TXLNB: variants seen among roughly 807,000 people sequenced by gnomAD.
TXLNB encodes beta-taxilin.
Under a neutral mutation model 57.4 loss-of-function variants are expected in TXLNB, and 37 were observed. That is an observed-to-expected ratio of 0.64 (90% confidence interval 0.50 to 0.85). TXLNB has a LOEUF of 0.85. Among genes scored for constraint, TXLNB ranks in the 40% least tolerant of loss-of-function variants. The pLI is 0.00. For missense variants in TXLNB, 848 were observed against 825.6 expected, an observed-to-expected ratio of 1.03 and a Z score of -0.33; for synonymous variants, 302 against 309.6, an observed-to-expected ratio of 0.98 and a Z score of 0.26.
At chr6:139,244,382 G>C (rs1350776994) in intron 9 of TXLNB, among the ~76,000 whole-genome samples, 1 of 152,040 alleles carries the variant, frequency 6.6e-6, no homozygotes, top group East Asian at 1.9e-4. Context: ...TGTGACTTAG[G>C]GTCACAAAAC....
chr6:139,164,816 C>T, the TXLNB span, among the ~76,000 whole-genome samples: 101 of 150,524 alleles, frequency 6.7e-4, 2 homozygotes, highest in Middle Eastern at 0.051. Context: ...CTCATACAAC[C>T]GGCAGCCACT....
the TXLNB span, among the ~76,000 whole-genome samples, chr6:139,199,299 C>G: frequency 2.6e-5 from 4 of 152,184 alleles, no homozygotes; most frequent in Non-Finnish European, 4.4e-5. Flanking sequence ...AAGCTTCAAG[C>G]TTATCTAGCA....
chr6:139,243,113 C>A lies in TXLNB; in HGVS notation c.1468G>T (p.Ala490Ser), dbSNP rs760921583. ...SNVSVDQEIDAEEVNSVQTAV... is the reference protein window; with the variant it reads ...SNVSVDQEIDSEEVNSVQTAV... ...GTTTGGACACTATTAACCTCCTCTG[C>A]GTCAATCTCTTGATCCACAGAGACG... Residue 490 changes from alanine to serine, a missense_variant, in exon 10 of 10, where the codon GCA becomes TCA. Coordinates refer to ENST00000358430, the MANE Select transcript of TXLNB (RefSeq NM_153235.4). 2 of 1,614,174 alleles carry A rather than the reference C, an allele frequency of 1.2e-6. No homozygotes were observed. The highest frequency in any genetic ancestry group is 1.1e-5 in the South Asian group (1 of 91,084).
chr6:139,166,548 G>A, the TXLNB span: 3 of 1,614,236 alleles, frequency 1.9e-6, no homozygotes, highest in Non-Finnish European at 2.5e-6. Context: ...TGCTCTTGCC[G>A]CTGTGGCCAG....
At chr6:139,262,350 T>G (rs1461990825) in intron 5 of TXLNB, among the ~76,000 whole-genome samples, 1 of 152,230 alleles carries the variant, frequency 6.6e-6, no homozygotes, top group East Asian at 1.9e-4. Context: ...CACTTTCTAT[T>G]TATTGCCTTT....
the TXLNB span, among the ~76,000 whole-genome samples, chr6:139,316,133 C>G: frequency 8.5e-4 from 130 of 152,306 alleles, no homozygotes; most frequent in Middle Eastern, 3.4e-3. Context: ...ATCTGTGAGG[C>G]AGTAGGTTAT....
chr6:139,305,582 A>AT, the TXLNB span, among the ~76,000 whole-genome samples: 5 of 152,186 alleles, frequency 3.3e-5, no homozygotes, highest in Non-Finnish European at 4.4e-5. Flanking sequence ...CAGTTTATAA[A>AT]TTGTTAGAGT....
At chr6:139,211,090 T>C in the TXLNB span, among the ~76,000 whole-genome samples, 2 of 152,196 alleles carry the variant, frequency 1.3e-5, no homozygotes, top group Admixed American at 1.3e-4. Flanking sequence ...CAATAACCTC[T>C]GTAGTCTTAA....
rs752276998 is a variant in TXLNB at position 139,262,766 on chromosome 6, G to A, written c.695C>T (p.Ala232Val). Residue 232 changes from alanine (A) to valine (V), a missense_variant, in exon 5 of 10, where the codon GCG (alanine) becomes GTG (valine). Ala to Val is a moderately conservative substitution (Grantham distance 64, BLOSUM62 0). Coordinates refer to ENST00000358430, the MANE Select transcript of TXLNB (RefSeq NM_153235.4). Reference protein sequence around the residue: ...QRHNKTLKEEALQRAREEEEK... With the variant: ...QRHNKTLKEEVLQRAREEEEK... ...TTCTTCCTCACGTGCCCGCTGAAGC[G>A]CCTCTTCCTGCGGATAAAAAGCAAA... The A allele has an allele frequency of 1.5e-5, 24 of 1,612,106 alleles. No homozygotes were observed. In the Middle Eastern group the frequency reaches 5.0e-4, roughly 33 times the overall value.
upstream of TXLNB, among the ~76,000 whole-genome samples, chr6:139,296,277 T>TA (rs1777387686): frequency 6.6e-6 from 1 of 152,228 alleles, no homozygotes; most frequent in Non-Finnish European, 1.5e-5. Flanking sequence ...CCCTTATACT[T>TA]ACTTGATTGA....
the TXLNB span, among the ~76,000 whole-genome samples, chr6:139,167,646 T>C: frequency 1.3e-5 from 2 of 152,266 alleles, no homozygotes; most frequent in African/African-American, 4.8e-5. Flanking sequence ...TGTAAACCTG[T>C]TTAATGGGCC....
rs758224815 is a variant in TXLNB at position 139,270,616 on chromosome 6, T to C, written c.527A>G (p.His176Arg). The C allele has an allele frequency of 1.9e-5, 30 of 1,613,942 alleles. No homozygotes were observed. Among genetic ancestry groups the C allele is most frequent in the Non-Finnish European group, 2.5e-5 (29 of 1,179,980 alleles). ...CTTTAACTTCTTTTGCTCAGTACGA[T>C]GTTCATCCAGCTGTACACATGGAGA... ...FKKYAELLDE[H>R]RTEQKKLKLL... Residue 176 changes from histidine to arginine, a missense_variant, in exon 4 of 10, where the codon CAT becomes CGT. His to Arg is a conservative substitution (Grantham distance 29, BLOSUM62 0). Coordinates refer to ENST00000358430, the MANE Select transcript of TXLNB (RefSeq NM_153235.4).
upstream of TXLNB, among the ~76,000 whole-genome samples, chr6:139,296,184 A>C (rs1777385802): frequency 2.0e-5 from 3 of 152,086 alleles, no homozygotes; most frequent in Admixed American, 2.0e-4. Context: ...TTAATTCCTC[A>C]TTTAGAAAAA....
At chr6:139,229,543 G>A in the TXLNB span, among the ~76,000 whole-genome samples, 1,852 of 152,190 alleles carry the variant, frequency 0.012, 58 homozygotes, top group Admixed American at 0.063. Flanking sequence ...GGCTGGTCTC[G>A]AACTCCTGAC....
At chr6:139,167,012 G>T in the TXLNB span, 4 of 1,614,234 alleles carry the variant, frequency 2.5e-6, no homozygotes, top group Non-Finnish European at 3.4e-6. Context: ...AGTTCACAGG[G>T]GGGGACACTT....
At chr6:139,227,581 A>G in the TXLNB span, among the ~76,000 whole-genome samples, 5 of 152,222 alleles carry the variant, frequency 3.3e-5, no homozygotes, top group Admixed American at 3.3e-4. Context: ...ACATATACAC[A>G]TAGGAAATAT....
At chr6:139,171,496 C>G in the TXLNB span, among the ~76,000 whole-genome samples, 1 of 152,208 alleles carries the variant, frequency 6.6e-6, no homozygotes, top group Admixed American at 6.5e-5. Context: ...CAAGTGAGGC[C>G]TTGACCACAT....
At position 139,283,597 on chromosome 6, in the gene TXLNB, T is replaced by A. The variant is rs1454126798; in HGVS notation, c.424+4879A>T. Among the ~76,000 whole-genome samples, 2 of 142,066 alleles carry A rather than the reference T, an allele frequency of 1.4e-5. 1 individual carries two copies. The highest frequency in any genetic ancestry group is 3.1e-5 in the Non-Finnish European group (2 of 64,586). The allele number at this position is 142,066 out of a possible 152,430, so 93.2% of individuals were successfully genotyped here. On this transcript the variant is annotated intron_variant, in intron 2 of 9. Transcript: ENST00000358430. The stretch of plus-strand genomic sequence containing the variant: ...GTCTCAAAAAAAAAAAAAAAAAATG[T>A]CTCTCATAGATCCAATCAGTCAATA...
At chr6:139,308,532 C>G in the TXLNB span, among the ~76,000 whole-genome samples, 1 of 152,184 alleles carries the variant, frequency 6.6e-6, no homozygotes, top group African/African-American at 2.4e-5. Context: ...GCTATATATT[C>G]CAACTAATAC....
Sources: gnomAD v4.1 joint callset for allele counts (sites outside exome capture counted in the v4.1 genomes callset) on GRCh38, gnomAD v4.1.1 for gene constraint, MANE v1.5 for transcripts, NCBI Gene and HGNC (gene_info 2026-07-23, HGNC 2026-07-21) for gene names.